The following ATXN8OS variants were observed in gnomAD, a reference collection of about 807,000 sequenced individuals.
ATXN8OS encodes the protein ATXN8 opposite strand (non-protein coding).
At chr13:70,145,422 A>G (rs1318544103) in intron 3 of ATXN8OS, among the ~76,000 whole-genome samples, 1 of 151,484 alleles carries the variant, frequency 6.6e-6, no homozygotes, top group Admixed American at 6.6e-5. Context: ...ATGGCATTGA[A>G]TCTATAAATT....
chr13:70,154,488 T>G (rs1335562983), intron 4 of ATXN8OS, among the ~76,000 whole-genome samples: 1 of 152,184 alleles, frequency 6.6e-6, no homozygotes, highest in Non-Finnish European at 1.5e-5. Flanking sequence ...AATAAAGTGC[T>G]GAATGGTTCT....
rs543682875 is a variant in ATXN8OS at position 70,154,829 on chromosome 13, G to A, written n.573+7401G>A. ...ACAACAAAGGTCATGAGACACCTGA[G>A]TAGGCCTGAACTACAGCTGCCTGGG... On this transcript the variant is annotated intron_variant and non_coding_transcript_variant, in intron 4 of 4. Transcript: ENST00000678624. 3.3e-5 allele frequency among the ~76,000 whole-genome samples: 5 copies of A among 152,342 alleles called. No individual in the cohort carries two copies. The South Asian group carries it at 1.0e-3, about 32-fold the overall frequency.
At chr13:70,159,816 ATCC>A (rs372594032) in intron 4 of ATXN8OS, among the ~76,000 whole-genome samples, 2 of 152,356 alleles carry the variant, frequency 1.3e-5, no homozygotes, top group East Asian at 3.9e-4. Context: ...GGCTTCTTTC[ATCC>A]AGAATAATGC....
chr13:70,162,683 C>A (rs112767957), intron 4 of ATXN8OS, among the ~76,000 whole-genome samples: 10 of 152,126 alleles, frequency 6.6e-5, no homozygotes, highest in African/African-American at 2.2e-4. Flanking sequence ...TTAGGCCTCA[C>A]AATCTCAAGT....
chr13:70,153,846 A>AT (rs904261798), intron 4 of ATXN8OS, among the ~76,000 whole-genome samples: 3 of 151,476 alleles, frequency 2.0e-5, no homozygotes, highest in Admixed American at 6.6e-5. Flanking sequence ...CACCTGTCCA[A>AT]TTTTTTTTCT....
intron 3 of ATXN8OS, among the ~76,000 whole-genome samples, chr13:70,144,249 G>A (rs914751423): frequency 1.3e-5 from 2 of 151,916 alleles, no homozygotes; most frequent in Admixed American, 6.6e-5. Context: ...TTCTCCATCC[G>A]TTTACATTTC....
At chr13:70,125,129 A>T (rs1430342621) in intron 2 of ATXN8OS, among the ~76,000 whole-genome samples, 2 of 152,044 alleles carry the variant, frequency 1.3e-5, no homozygotes, top group Admixed American at 1.3e-4. Flanking sequence ...ATACCTATCA[A>T]TTACCCTAAT....
At chr13:70,115,372 G>T (rs146022591) in intron 2 of ATXN8OS, 2 of 397,030 alleles carry the variant, frequency 5.0e-6, no homozygotes, top group South Asian at 2.6e-4. Flanking sequence ...CTCCCAAAAG[G>T]CTCACTTCCC....
chr13:70,121,343 GAT>G (rs1212326601), intron 2 of ATXN8OS, among the ~76,000 whole-genome samples: 1 of 152,066 alleles, frequency 6.6e-6, no homozygotes, highest in African/African-American at 2.4e-5. Context: ...AGAGGGAAGA[GAT>G]AGTGTTAGAG....
At chr13:70,109,951 TAAGTC>T (rs1555298267) in intron 1 of ATXN8OS, among the ~76,000 whole-genome samples, 4 of 152,194 alleles carry the variant, frequency 2.6e-5, no homozygotes, top group South Asian at 2.1e-4. Context: ...TAAAATAACA[TAAGTC>T]AAGTCTCTGT....
At chr13:70,162,479 T>C (rs958628719) in intron 4 of ATXN8OS, among the ~76,000 whole-genome samples, 48 of 151,996 alleles carry the variant, frequency 3.2e-4, no homozygotes, top group Non-Finnish European at 2.9e-5. Flanking sequence ...GCTCTTCTGT[T>C]TGTGCAACCC....
chr13:70,108,897 T>A (rs542986912), intron 1 of ATXN8OS, among the ~76,000 whole-genome samples: 89 of 152,312 alleles, frequency 5.8e-4, no homozygotes, highest in Non-Finnish European at 7.8e-4. Context: ...ACATTGTGAT[T>A]CTGCTATTAA....
chr13:70,171,540 T>C (rs1339576877), exon 5 of ATXN8OS, among the ~76,000 whole-genome samples: 1 of 152,126 alleles, frequency 6.6e-6, no homozygotes, highest in Non-Finnish European at 1.5e-5. Flanking sequence ...CCAGAATGCA[T>C]TGTGCTACAA....
intron 4 of ATXN8OS, among the ~76,000 whole-genome samples, chr13:70,155,861 G>GA (rs576971423): frequency 5.3e-5 from 8 of 149,586 alleles, no homozygotes; most frequent in Admixed American, 6.7e-5. Context: ...TGTACCACCA[G>GA]AAAAAAAAGT....
chr13:70,107,767 G>T, upstream of ATXN8OS: 1 of 1,251,036 alleles, frequency 8.0e-7, no homozygotes, highest in Non-Finnish European at 1.1e-6. Flanking sequence ...GGTGGGGGAG[G>T]ACAGCGGGGC....
intron 3 of ATXN8OS, among the ~76,000 whole-genome samples, chr13:70,134,824 G>A (rs905214305): frequency 1.3e-4 from 20 of 152,256 alleles, no homozygotes; most frequent in African/African-American, 4.8e-4. Context: ...GAAGTCTGAA[G>A]TACCAAAATC....
Position 70,170,223 on chromosome 13 carries a change from G to C in ATXN8OS, n.1044G>C, listed in dbSNP as rs1410610. ...CCTTCAGTAAGAAGACCCAAATTAT[G>C]GGATCTAGGATCTCAGATGCCATTC... On this transcript the variant is annotated non_coding_transcript_exon_variant, in exon 5 of 5. Coordinates refer to ENST00000678624, the Ensembl canonical transcript of ATXN8OS. Among the ~76,000 whole-genome samples the C allele has an allele frequency of 2.3e-3, 351 of 152,064 alleles. 1 individual carries two copies. Among genetic ancestry groups the C allele is most frequent in the African/African-American group, 8.1e-3 (335 of 41,494 alleles).
chr13:70,107,759 TG>T, upstream of ATXN8OS: 1 of 1,341,058 alleles, frequency 7.5e-7, no homozygotes. Flanking sequence ...GGTCAGCAGG[TG>T]GGGGAGGACA....
At chr13:70,124,247 T>C (rs928883828) in intron 2 of ATXN8OS, among the ~76,000 whole-genome samples, 8 of 152,264 alleles carry the variant, frequency 5.3e-5, no homozygotes, top group Admixed American at 2.0e-4. Context: ...TAATGTCACC[T>C]GCTTCACACT....
Sources: allele counts gnomAD v4.1 joint callset (sites outside exome capture counted in the v4.1 genomes callset), GRCh38; gene constraint gnomAD v4.1.1; transcripts MANE v1.5; gene names NCBI Gene and HGNC (gene_info 2026-07-23, HGNC 2026-07-21).